CDYL2: variants seen among roughly 807,000 people sequenced by gnomAD.
CDYL2 encodes the protein chromodomain Y-like protein 2.
Under a neutral mutation model 49.4 loss-of-function variants are expected in CDYL2, and 23 were observed. That is an observed-to-expected ratio of 0.47 (90% CI 0.34 to 0.66). CDYL2 has a LOEUF of 0.66. Among genes scored for constraint, CDYL2 ranks in the 30% least tolerant of loss-of-function variants. The pLI, the probability that CDYL2 is intolerant of heterozygous loss-of-function variation, is 0.01. For missense variants in CDYL2, 678 were observed against 656.4 expected (o/e 1.03, Z -0.36); for synonymous variants, 360 against 268.8 (o/e 1.34, Z -3.32).
chr16:80,625,587 T>C (rs941745848), intron 3 of CDYL2, among the ~76,000 whole-genome samples: 4 of 152,176 alleles, frequency 2.6e-5, no homozygotes, highest in Non-Finnish European at 5.9e-5. Flanking sequence ...CAGACTTGAA[T>C]ACTAAAATTT....
At chr16:80,617,691 C>T (rs1259600489) in intron 4 of CDYL2, among the ~76,000 whole-genome samples, 1 of 152,200 alleles carries the variant, frequency 6.6e-6, no homozygotes, top group Admixed American at 6.5e-5. Context: ...CTACACGCCG[C>T]ATCTTCTGCA....
intron 2 of CDYL2, among the ~76,000 whole-genome samples, chr16:80,635,149 A>G (rs1426770269): frequency 6.6e-6 from 1 of 152,256 alleles, no homozygotes; most frequent in Admixed American, 6.5e-5. Flanking sequence ...CTGGTTCAAT[A>G]TTTGGAAACC....
intron 2 of CDYL2, among the ~76,000 whole-genome samples, chr16:80,659,066 T>C (rs1908928794): frequency 7.2e-6 from 1 of 138,830 alleles, no homozygotes; most frequent in South Asian, 2.2e-4. Context: ...GATGGATGGA[T>C]GGATGGATGG....
At chr16:80,686,315 T>C (rs1430236824) in intron 1 of CDYL2, among the ~76,000 whole-genome samples, 2 of 152,230 alleles carry the variant, frequency 1.3e-5, no homozygotes, top group African/African-American at 2.4e-5. Flanking sequence ...AACTTTGCTG[T>C]AGACTTGAAA....
chr16:80,643,580 G>C (rs112911994), intron 2 of CDYL2, among the ~76,000 whole-genome samples: 3 of 152,202 alleles, frequency 2.0e-5, no homozygotes, highest in Admixed American at 2.0e-4. Flanking sequence ...GGGTATCCAC[G>C]CATTTCCATA....
intron 1 of CDYL2, among the ~76,000 whole-genome samples, chr16:80,707,172 A>G (rs1904433767): frequency 6.6e-6 from 1 of 152,230 alleles, no homozygotes; most frequent in Admixed American, 6.5e-5. Flanking sequence ...GACAATAAAA[A>G]TAAGTGAGAG....
At chr16:80,663,431 A>T (rs1909130918) in intron 2 of CDYL2, among the ~76,000 whole-genome samples, 1 of 152,096 alleles carries the variant, frequency 6.6e-6, no homozygotes, top group Non-Finnish European at 1.5e-5. Context: ...ATTCAAGAAA[A>T]AAAAAAATCT....
chr16:80,688,503 T>C (rs1910287129), intron 1 of CDYL2, among the ~76,000 whole-genome samples: 1 of 152,140 alleles, frequency 6.6e-6, no homozygotes, highest in South Asian at 2.1e-4. Context: ...GAACTTCAGT[T>C]GACAAAACTG....
chr16:80,628,850 G>A (rs1034627266), intron 3 of CDYL2, among the ~76,000 whole-genome samples: 8 of 152,076 alleles, frequency 5.3e-5, no homozygotes, highest in Non-Finnish European at 8.8e-5. Flanking sequence ...AGGAGGGGGG[G>A]GATATCAGAC....
At chr16:80,618,557 T>C (rs997813409) in intron 4 of CDYL2, among the ~76,000 whole-genome samples, 1 of 151,948 alleles carries the variant, frequency 6.6e-6, no homozygotes, top group African/African-American at 2.4e-5. Context: ...TCTGGGGAAA[T>C]CCATCATGAG....
intron 1 of CDYL2, among the ~76,000 whole-genome samples, chr16:80,685,552 G>A (rs958265246): frequency 6.6e-6 from 1 of 152,122 alleles, no homozygotes; most frequent in Non-Finnish European, 1.5e-5. Flanking sequence ...CATTTATTGA[G>A]CAATTATATG....
In CDYL2 at chr16:80,748,609, G is replaced by T. The variant is rs185596726; in HGVS notation, c.24+55541C>A. 5.0e-3 allele frequency among the ~76,000 whole-genome samples: 739 copies of T among 148,624 alleles called. 8 individuals are homozygous for T. The highest frequency in any genetic ancestry group is 0.017 in the African/African-American group (677 of 40,322). Reference sequence around the variant, plus strand: ...TTGGTTTGCACAAATGGAAGACAGGGTTAATAAGAAATATTTCTGAAGAAT... The same window carrying T: ...TTGGTTTGCACAAATGGAAGACAGGTTTAATAAGAAATATTTCTGAAGAAT... On this transcript the variant is annotated intron_variant, in intron 1 of 6. Transcript: ENST00000570137.
chr16:80,777,045 C>T (rs190485410), intron 1 of CDYL2, among the ~76,000 whole-genome samples: 1 of 152,056 alleles, frequency 6.6e-6, no homozygotes. Flanking sequence ...TGGTCTCGAC[C>T]TCCTAAGCTC....
intron 1 of CDYL2, chr16:80,738,797 GGTA>G (rs1905631004): frequency 6.6e-6 from 1 of 152,190 alleles, no homozygotes; most frequent in South Asian, 2.1e-4. Context: ...ATTTTTTAAA[GGTA>G]ACTTTGGGCA....
At chr16:80,611,675 C>T (rs1177847268) in intron 5 of CDYL2, among the ~76,000 whole-genome samples, 3 of 152,160 alleles carry the variant, frequency 2.0e-5, no homozygotes, top group Admixed American at 6.5e-5. Flanking sequence ...CCACTGCATG[C>T]CTTTAGACAA....
intron 1 of CDYL2, among the ~76,000 whole-genome samples, chr16:80,733,240 G>T (rs1200370761): frequency 6.6e-6 from 1 of 152,192 alleles, no homozygotes; most frequent in Non-Finnish European, 1.5e-5. Flanking sequence ...AAATATTACT[G>T]CAGAATCTCC....
intron 3 of CDYL2, among the ~76,000 whole-genome samples, chr16:80,631,013 T>C (rs955998828): frequency 6.6e-6 from 1 of 152,002 alleles, no homozygotes; most frequent in Non-Finnish European, 1.5e-5. Flanking sequence ...AAAAAGAGAA[T>C]ACAGGATATT....
chr16:80,702,743 C>A (rs1183579041), intron 1 of CDYL2, among the ~76,000 whole-genome samples: 1 of 152,164 alleles, frequency 6.6e-6, no homozygotes. Flanking sequence ...GAGTAAGACC[C>A]TGTGGACAGG....
chr16:80,605,492 G>C (rs1019123805), intron 6 of CDYL2, among the ~76,000 whole-genome samples: 2 of 149,244 alleles, frequency 1.3e-5, no homozygotes, highest in Admixed American at 6.7e-5. Context: ...AATAATCATA[G>C]TAATAATAGT....
Sources: allele counts gnomAD v4.1 joint callset (sites outside exome capture counted in the v4.1 genomes callset), GRCh38; gene constraint gnomAD v4.1.1; transcripts MANE v1.5; gene names NCBI Gene and HGNC (gene_info 2026-07-23, HGNC 2026-07-21).